Variants in MUC5B observed in about 807,000 individuals in gnomAD.
The protein encoded by MUC5B is mucin 5B, oligomeric mucus/gel-forming.
Under a neutral mutation model 376.9 loss-of-function variants are expected in MUC5B, and 116 were observed. The observed-to-expected ratio is 0.31, with a 90% CI of 0.26 to 0.36. The LOEUF (loss-of-function observed/expected upper bound fraction) is 0.36, where lower values mean the gene tolerates loss of function less well. Among genes scored for constraint, MUC5B ranks in the 10% least tolerant of loss-of-function variants. MUC5B has a pLI of 1.00. For synonymous variants in MUC5B, 3,517 were observed against 3,390.9 expected (o/e 1.04, Z -1.29); for missense variants, 7,165 against 7,769.9 (o/e 0.92, Z 2.93).
rs764632478 is a variant in MUC5B at position 1,239,514 on chromosome 11, A to T, written c.3531A>T (p.Lys1177Asn). 1.6e-5 allele frequency: 25 copies of T among 1,602,998 alleles called. No homozygotes were observed. The South Asian group carries it at 2.8e-4, about 18-fold the overall frequency. ...AGCCCTGCGGGGCACCCTGCCTAAA[A>T]ACCTGCCGGAACCCCAGTGGGCACT... ...HYQPCGAPCL[K>N]TCRNPSGHCL... The change falls in exon 27 of 49, where the codon AAA becomes AAT. Residue 1177 changes from lysine to asparagine, a missense_variant. Coordinates refer to ENST00000529681, the MANE Select transcript of MUC5B (RefSeq NM_002458.3).
Position 1,227,662 on chromosome 11 carries a change from T to C in MUC5B, c.668-13T>C, listed in dbSNP as rs1435483171. The C allele has an allele frequency of 1.4e-6, 1 of 717,908 alleles. No homozygotes were observed. Among genetic ancestry groups the C allele is most frequent in the Non-Finnish European group, 2.6e-6 (1 of 385,240 alleles). The allele number at this position is 717,908 out of a possible 1,614,324, so 44.5% of individuals were successfully genotyped here. ...CCCTCAGAGCCACCACACCCCTGCTTTCTTCCCGGCAGACGCCAGGCTGAC... is the reference window on the plus strand; with the variant it reads ...CCCTCAGAGCCACCACACCCCTGCTCTCTTCCCGGCAGACGCCAGGCTGAC... On this transcript the variant is annotated splice_polypyrimidine_tract_variant and intron_variant, in intron 6 of 48. Transcript: ENST00000529681.
In MUC5B at chr11:1,248,463, C is replaced by A. The variant is rs1407656749; in HGVS notation, c.11583C>A (p.His3861Gln). 6.2e-7 allele frequency: 1 copy of A among 1,610,786 alleles called. No homozygotes were observed. Among genetic ancestry groups the A allele is most frequent in the Non-Finnish European group, 8.5e-7 (1 of 1,178,180 alleles). ...CCTCTTCCACCCCAGGAACAGCTCA[C>A]ACTACCAAAGTGCCGACTACCACAA... is the stretch of plus-strand genomic sequence containing the variant. ...ATPSSTPGTAHTTKVPTTTTT... is the reference protein window; with the variant it reads ...ATPSSTPGTAQTTKVPTTTTT... The change falls in exon 31 of 49, where the codon CAC becomes CAA. Residue 3861 changes from histidine to glutamine, a missense_variant. This residue lies in a region of MUC5B where 242 missense variants were observed against 199.0 expected (regional missense o/e 1.22). Coordinates refer to ENST00000529681, the MANE Select transcript of MUC5B (RefSeq NM_002458.3).
intron 48 of MUC5B, 134 bp from the exon 49 acceptor site, chr11:1,261,255 C>T: frequency 1.3e-6 from 1 of 751,642 alleles, no homozygotes; most frequent in Non-Finnish European, 2.1e-6. Context: ...CTCACGTGCC[C>T]ACAGAGCAGG....
In MUC5B at chr11:1,243,305, C is replaced by T. The variant is rs1213197504; in HGVS notation, c.6425C>T (p.Ala2142Val). The T allele has an allele frequency of 1.3e-6, 2 of 1,557,212 alleles. No homozygotes were observed. The highest frequency in any genetic ancestry group is 1.7e-6 in the Non-Finnish European group (2 of 1,150,486). The change falls in exon 31 of 49, where the codon GCC becomes GTC. Residue 2142 changes from alanine (A) to valine (V), a missense_variant. Around this residue, in one of 31 missense-constraint regions of MUC5B, gnomAD observed 897 missense variants for 779.6 expected, o/e 1.15. Transcript: ENST00000529681. ...SLTTTATTIT[A>V]TGSTTNPSST... ...ACCACCACGGCCACTACGATCACGG[C>T]CACCGGCTCCACCACCAACCCCTCC...
rs1296445228 is a variant in MUC5B, at chr11:1,244,065, G to T, written c.7185G>T (p.Lys2395Asn). Reference sequence around the variant, plus strand: ...GCAGGAACCGTGAGCAGGTGGGGAAGTTCAAGATGTGCTTCAACTATGAAA... The same window carrying T: ...GCAGGAACCGTGAGCAGGTGGGGAATTTCAAGATGTGCTTCAACTATGAAA... ...LVCRNREQVG[K>N]FKMCFNYEIR... is the part of the protein sequence containing the mutation. Residue 2395 changes from lysine to asparagine, a missense_variant, in exon 31 of 49, where the codon AAG becomes AAT. This residue lies in a region of MUC5B where 194 missense variants were observed against 268.5 expected (regional missense o/e 0.72). Coordinates refer to ENST00000529681, the MANE Select transcript of MUC5B (RefSeq NM_002458.3). The T allele has an allele frequency of 6.7e-7, 1 of 1,501,140 alleles. No individual in the cohort carries two copies. The highest frequency in any genetic ancestry group is 2.2e-5 in the East Asian group (1 of 44,536). 93.0% of individuals were successfully genotyped at this position (1,501,140 alleles called of 1,614,324 possible). A position where few individuals can be genotyped will look rare whatever the true frequency, so the allele number is the denominator to read the frequency against.
rs56086719 is a variant in MUC5B, at chr11:1,241,629, C to A, written c.4749C>A (p.Gly1583=). ...TGTGCAGGAACTGGGAGCAGGAGGG[C>A]GTCTTCAAGATGTGCTACAACTACA... ...GLVCRNWEQE[G]VFKMCYNYRI... Residue 1583 remains glycine, a synonymous_variant, in exon 31 of 49, where the codon GGC becomes GGA. Coordinates refer to ENST00000529681, the MANE Select transcript of MUC5B (RefSeq NM_002458.3). 6.2e-7 allele frequency: 1 copy of A among 1,612,070 alleles called. No individual in the cohort carries two copies. Among genetic ancestry groups the A allele is most frequent in the African/African-American group, 1.3e-5 (1 of 74,852 alleles).
chr11:1,258,879 G>T lies in MUC5B; in HGVS notation c.16594-63G>T, dbSNP rs1412536029. ...TCCCTGCAGGCCCCATTGGGTCATG[G>T]GGAGGGGTCCTGGCCCTGTTGCCCC... is the stretch of plus-strand genomic sequence containing the variant. On this transcript the variant is annotated intron_variant, in intron 43 of 48. Transcript: ENST00000529681. This position sits in a 1 kb window ranked among gnomAD's most constrained non-coding sequence, Gnocchi z 5.5. 1.0e-5 allele frequency: 16 copies of T among 1,542,618 alleles called. No individual in the cohort carries two copies.
chr11:1,226,968 G>C, intron 4 of MUC5B, 63 bp from the exon 5 acceptor site: 2 of 1,558,838 alleles, frequency 1.3e-6, no homozygotes, highest in African/African-American at 1.4e-5. Context: ...GGGCTGGGGG[G>C]GGGTTGGGTG....
In MUC5B at chr11:1,245,841, A is replaced by G. The variant is rs374293945; in HGVS notation, c.8961A>G (p.Pro2987=). 2.0e-4 allele frequency: 320 copies of G among 1,613,226 alleles called. 2 individuals are homozygous for G. Among genetic ancestry groups the G allele is most frequent in the African/African-American group, 1.7e-3 (129 of 74,702 alleles). The change falls in exon 31 of 49, where the codon CCA becomes CCG. Residue 2987 remains proline, a synonymous_variant. Transcript: ENST00000529681. ...TSSTATPSST[P]GTTWILTEQT... is the part of the protein sequence containing the mutation. ...CTACGGCCACGCCCTCCTCCACTCC[A>G]GGGACGACCTGGATCCTCACAGAGC...
chr11:1,229,618 C>G, intron 9 of MUC5B, 72 bp from the exon 10 acceptor site: 1 of 1,348,878 alleles, frequency 7.4e-7, no homozygotes, highest in Non-Finnish European at 1.0e-6. Context: ...CAGCTTGTCC[C>G]CAAGGCCGGT....
At position 1,256,687 on chromosome 11, in the gene MUC5B, C is replaced by T. The variant is rs1862845551; in HGVS notation, c.16153C>T (p.Leu5385=). 2 of 1,567,998 alleles carry T rather than the reference C, an allele frequency of 1.3e-6. No individual in the cohort carries two copies. The highest frequency in any genetic ancestry group is 3.8e-5 in the Admixed American group (2 of 53,258). Residue 5385 remains leucine (L), a synonymous_variant, in exon 39 of 49, where the codon CTG becomes TTG. Coordinates refer to ENST00000529681, the MANE Select transcript of MUC5B (RefSeq NM_002458.3). ...ATCCTGCAGGAACCAGAGCCCACAG[C>T]TGGAGGGGATGGCGGAGGGCTGCTT... The part of the protein sequence containing the change: ...TCNSRNQSPQ[L]EGMAEGCFCP...
chr11:1,231,905 C>A, intron 14 of MUC5B, 91 bp from the exon 15 acceptor site: 1 of 1,544,202 alleles, frequency 6.5e-7, no homozygotes, highest in Non-Finnish European at 8.8e-7. Flanking sequence ...CCCAGCCGTT[C>A]CACCCTGTGT....
Position 1,236,931 on chromosome 11 carries a change from G to A in MUC5B, c.3064G>A (p.Val1022Ile), listed in dbSNP as rs776300244. 1 of 1,468,366 alleles carries A rather than the reference G, an allele frequency of 6.8e-7. No homozygotes were observed. The highest frequency in any genetic ancestry group is 9.1e-7 in the Non-Finnish European group (1 of 1,104,100). The allele number at this position is 1,468,366 out of a possible 1,614,324, so 91.0% of individuals were successfully genotyped here. ...IRLHQDYKGR[V>I]CGLCGNFDDN... is the part of the protein sequence containing the mutation. ...TCTCTCGCTGCCTCTGCAGGGCAGG[G>A]TCTGCGGCCTGTGCGGGAACTTCGA... is the stretch of plus-strand genomic sequence containing the variant. Residue 1022 changes from valine to isoleucine, a missense_variant, in exon 25 of 49, where the codon GTC (valine) becomes ATC (isoleucine). Val to Ile is a conservative substitution (Grantham distance 29). This residue lies in a region of MUC5B where 4 missense variants were observed against 19.7 expected (regional missense o/e 0.20). Coordinates refer to ENST00000529681, the MANE Select transcript of MUC5B (RefSeq NM_002458.3).
intron 31 of MUC5B, 39 bp downstream of exon 31, chr11:1,251,782 A>C: frequency 2.1e-6 from 3 of 1,397,082 alleles, no homozygotes; most frequent in South Asian, 1.3e-5. Flanking sequence ...CCCTTTCCCC[A>C]CATGCTATGC....
Position 1,227,246 on chromosome 11 carries a change from G to A in MUC5B, c.577-62G>A, listed in dbSNP as rs1277151357. On this transcript the variant is annotated intron_variant, in intron 5 of 48. Transcript: ENST00000529681. Reference sequence around the variant, plus strand: ...CTGGGCTTGGGGTCACGGGGCTTGGGGCATGTTGCCAGTGTGGGGATCAGA... The same window carrying A: ...CTGGGCTTGGGGTCACGGGGCTTGGAGCATGTTGCCAGTGTGGGGATCAGA... 51 of 1,574,074 alleles carry A rather than the reference G, an allele frequency of 3.2e-5. 1 individual carries two copies. In the South Asian group the frequency reaches 4.0e-4, roughly 12 times the overall value.
chr11:1,240,362 C>T lies in MUC5B; in HGVS notation c.3957C>T (p.Pro1319=), dbSNP rs374888503. Residue 1319 remains proline, a synonymous_variant, in exon 30 of 49, where the codon CCC becomes CCT. Coordinates refer to ENST00000529681, the MANE Select transcript of MUC5B (RefSeq NM_002458.3). ...TPFTFTTAWV[P]HSTTSPALPV... ...TCACCTTCACCACCGCCTGGGTCCC[C>T]CACTCCACGACAAGTAAGCCCTGCC... is the stretch of plus-strand genomic sequence containing the variant. 2.5e-6 allele frequency: 4 copies of T among 1,599,916 alleles called. No homozygotes were observed. Among genetic ancestry groups the T allele is most frequent in the Admixed American group, 1.7e-5 (1 of 59,442 alleles).
In MUC5B at chr11:1,261,622, C is replaced by T; in HGVS notation, c.*14C>T. The T allele has an allele frequency of 1.3e-6, 2 of 1,590,864 alleles. No individual in the cohort carries two copies. The highest frequency in any genetic ancestry group is 1.7e-6 in the Non-Finnish European group (2 of 1,169,156). ...ACTGCTGTCTGAGAACGTTCTGCCTCCATCCCCATGCTCTGTCCACCTGGA... is the reference window on the plus strand; with the variant it reads ...ACTGCTGTCTGAGAACGTTCTGCCTTCATCCCCATGCTCTGTCCACCTGGA... On this transcript the variant is annotated 3_prime_UTR_variant, in exon 49 of 49. Coordinates refer to ENST00000529681, the MANE Select transcript of MUC5B (RefSeq NM_002458.3).
At position 1,242,837 on chromosome 11, in the gene MUC5B, C is replaced by T. The variant is rs770096939; in HGVS notation, c.5957C>T (p.Ser1986Phe). 6.2e-7 allele frequency: 1 copy of T among 1,613,330 alleles called. No individual in the cohort carries two copies. The highest frequency in any genetic ancestry group is 8.5e-7 in the Non-Finnish European group (1 of 1,179,708). Residue 1986 changes from serine (S) to phenylalanine (F), a missense_variant, in exon 31 of 49, where the codon TCC (serine) becomes TTC (phenylalanine). Around this residue, in one of 31 missense-constraint regions of MUC5B, gnomAD observed 897 missense variants for 779.6 expected, o/e 1.15. Coordinates refer to ENST00000529681, the MANE Select transcript of MUC5B (RefSeq NM_002458.3). ...TATSVTPIPS[S>F]SLGTTWTRLS... Reference sequence around the variant, plus strand: ...ACCAGCGTTACACCCATCCCCTCTTCCTCCCTGGGCACCACCTGGACCCGC... The same window carrying T: ...ACCAGCGTTACACCCATCCCCTCTTTCTCCCTGGGCACCACCTGGACCCGC...
At position 1,257,203 on chromosome 11, in the gene MUC5B, C is replaced by G. The variant is rs776905761; in HGVS notation, c.16238-37C>G. Reference sequence around the variant, plus strand: ...CCAGAGGCCCCTCCGCCTGCAAACTCAGCACCCTCCGTGATGCCATGCTGT... The same window carrying G: ...CCAGAGGCCCCTCCGCCTGCAAACTGAGCACCCTCCGTGATGCCATGCTGT... On this transcript the variant is annotated intron_variant, in intron 39 of 48. Transcript: ENST00000529681. This position sits in a 1 kb window ranked among gnomAD's most constrained non-coding sequence, Gnocchi z 8.9. 1.3e-6 allele frequency: 1 copy of G among 779,624 alleles called. No individual in the cohort carries two copies. 48.3% of individuals were successfully genotyped at this position (779,624 alleles called of 1,614,324 possible).
Sources: allele counts gnomAD v4.1 joint callset, GRCh38; gene constraint gnomAD v4.1.1; regional missense constraint gnomAD v4.1.1; non-coding constraint Gnocchi (gnomAD v3.1); transcripts MANE v1.5; gene names NCBI Gene and HGNC (gene_info 2026-07-23, HGNC 2026-07-21).